EIF4B: variants seen among roughly 807,000 people sequenced by gnomAD.
EIF4B encodes eukaryotic translation initiation factor 4B.
EIF4B carries 8 observed loss-of-function variants against 79.3 expected under a neutral mutation model. The ratio of observed to expected loss-of-function variants is 0.10; its 90% confidence interval spans 0.06 to 0.18. The LOEUF (loss-of-function observed/expected upper bound fraction) is 0.18. Ranked by LOEUF, EIF4B falls within the 10% of genes least tolerant of loss-of-function variation. The pLI is 1.00. For synonymous variants in EIF4B, 238 were observed against 274.7 expected (o/e 0.87, Z 1.32); for missense variants, 515 against 792.4 (o/e 0.65, Z 4.20).
intron 7 of EIF4B, 26 bp from the exon 8 acceptor site, chr12:53,027,989 G>T: frequency 3.1e-6 from 5 of 1,607,536 alleles, no homozygotes; most frequent in Admixed American, 1.7e-5. Flanking sequence ...CCGCTGTGAT[G>T]ATTATAATTT....
At position 53,023,511 on chromosome 12, in the gene EIF4B, G is replaced by A. The variant is rs539469080; in HGVS notation, c.667+884G>A. ...CTCCCAAAGTGCTGGGATTACAGGCGTGAGCCACTGCGCCTGGCCCATCAG... is the reference window on the plus strand; with the variant it reads ...CTCCCAAAGTGCTGGGATTACAGGCATGAGCCACTGCGCCTGGCCCATCAG... On this transcript the variant is annotated intron_variant, in intron 6 of 14. Coordinates refer to ENST00000262056, the MANE Select transcript of EIF4B (RefSeq NM_001417.7). Among the ~76,000 whole-genome samples, 277 of 150,652 alleles carry A rather than the reference G, an allele frequency of 1.8e-3. 1 individual carries two copies. The highest frequency in any genetic ancestry group is 6.4e-3 in the African/African-American group (263 of 40,956).
chr12:53,016,347 A>G (rs1943148306), intron 1 of EIF4B, 126 bp from the exon 2 acceptor site: 1 of 1,288,280 alleles, frequency 7.8e-7, no homozygotes, highest in South Asian at 1.5e-5. Flanking sequence ...TGGAAATGCC[A>G]TAATTTAACC....
At chr12:53,019,811 A>T in intron 3 of EIF4B, 99 bp from the exon 4 acceptor site, 1 of 1,132,592 alleles carries the variant, frequency 8.8e-7, no homozygotes, top group Admixed American at 2.5e-5. Flanking sequence ...GTATTCAGAA[A>T]AATTCATGCA....
At chr12:53,025,040 T>G (rs1028735130) in intron 6 of EIF4B, among the ~76,000 whole-genome samples, 1 of 152,116 alleles carries the variant, frequency 6.6e-6, no homozygotes, top group Admixed American at 6.6e-5. Flanking sequence ...ATAATTCCTT[T>G]TAGAGGAGAG....
intron 13 of EIF4B, 126 bp downstream of exon 13, chr12:53,039,469 G>A: frequency 8.2e-7 from 1 of 1,219,306 alleles, no homozygotes; most frequent in South Asian, 1.5e-5. Context: ...AGCCAACGTA[G>A]ACAGTTAAGA....
intron 10 of EIF4B, 151 bp downstream of exon 10, chr12:53,034,860 C>A: frequency 1.3e-6 from 1 of 772,158 alleles, no homozygotes; most frequent in Non-Finnish European, 2.1e-6. Context: ...TCTTCTGCTC[C>A]AAAGAATCTG....
At position 53,019,447 on chromosome 12, in the gene EIF4B, T is replaced by C. The variant is rs201739207; in HGVS notation, c.360+441T>C. Among the ~76,000 whole-genome samples, 7 of 110,954 alleles carry C rather than the reference T, an allele frequency of 6.3e-5. No individual in the cohort carries two copies. The East Asian group carries it at 1.8e-3, about 29-fold the overall frequency. The allele number at this position is 110,954 out of a possible 152,430, so 72.8% of individuals were successfully genotyped here. On this transcript the variant is annotated intron_variant, in intron 3 of 14. Coordinates refer to ENST00000262056, the MANE Select transcript of EIF4B (RefSeq NM_001417.7). ...ATTATATATATATATATTTTTTTTT[T>C]TTCTTTTTTTTTTTTTTTTTTTTTT...
chr12:53,016,222 T>C (rs1253297487), intron 1 of EIF4B, among the ~76,000 whole-genome samples: 3 of 152,222 alleles, frequency 2.0e-5, no homozygotes, highest in South Asian at 4.1e-4. Flanking sequence ...AAACATACTC[T>C]CCAGGGTGTA....
intron 2 of EIF4B, among the ~76,000 whole-genome samples, chr12:53,017,396 A>G (rs1943165822): frequency 6.6e-6 from 1 of 152,188 alleles, no homozygotes; most frequent in African/African-American, 2.4e-5. Context: ...AGGAGTGAGA[A>G]CAGTAATTAT....
At chr12:53,019,437 A>ATATTTTTTTTTCTT (rs1943205076) in intron 3 of EIF4B, among the ~76,000 whole-genome samples, 2 of 51,006 alleles carry the variant, frequency 3.9e-5, no homozygotes, top group African/African-American at 6.6e-5. Flanking sequence ...ATATATATAT[A>ATATTTTTTTTTCTT]TTTTTTTTTT....
At chr12:53,033,270 C>T (rs1478913613) in intron 8 of EIF4B, among the ~76,000 whole-genome samples, 1 of 151,878 alleles carries the variant, frequency 6.6e-6, no homozygotes, top group Non-Finnish European at 1.5e-5. Flanking sequence ...CCACCCGCCT[C>T]GGCCTCCCAA....
chr12:53,009,393 G>T (rs1042555711), intron 1 of EIF4B, among the ~76,000 whole-genome samples: 2 of 152,188 alleles, frequency 1.3e-5, no homozygotes, highest in African/African-American at 4.8e-5. Context: ...GTTTTGGGCT[G>T]GGCGTGGTGG....
intron 10 of EIF4B, among the ~76,000 whole-genome samples, chr12:53,036,638 TC>T (rs758836753): frequency 2.6e-5 from 4 of 152,140 alleles, no homozygotes; most frequent in Non-Finnish European, 5.9e-5. Flanking sequence ...GGTCTCAAAC[TC>T]CTGGCCTCAA....
intron 3 of EIF4B, among the ~76,000 whole-genome samples, chr12:53,019,264 T>G (rs941892838): frequency 8.6e-5 from 13 of 151,826 alleles, no homozygotes; most frequent in South Asian, 2.1e-4. Context: ...CTGGGCGTGG[T>G]GGTACACGTC....
intron 13 of EIF4B, 58 bp from the exon 14 acceptor site, chr12:53,039,572 T>G: frequency 6.7e-7 from 1 of 1,501,094 alleles, no homozygotes; most frequent in Non-Finnish European, 9.1e-7. Flanking sequence ...TGCATACACA[T>G]GTTTGTATTA....
chr12:53,027,137 A>AATTTTTTTTTTTTTTTT (rs1491387300), intron 6 of EIF4B, among the ~76,000 whole-genome samples: 1 of 25,744 alleles, frequency 3.9e-5, no homozygotes, highest in Non-Finnish European at 9.8e-5. Context: ...AAAAAAAAAA[A>AATTTTTTTTTTTTTTTT]TTTTTTTTTT....
In EIF4B at chr12:53,040,182, G is replaced by A. The variant is rs1406127162; in HGVS notation, c.1795G>A (p.Asp599Asn). ...SASKYAALSV[D>N]GEDENEGEDY... The stretch of plus-strand genomic sequence containing the variant: ...AAGCAAGTATGCTGCTCTCTCTGTT[G>A]ATGGTGAAGATGAAAATGAGGGAGA... The change falls in exon 15 of 15, where the codon GAT becomes AAT. Residue 599 changes from aspartate to asparagine, a missense_variant. Physicochemically the swap from Asp to Asn is conservative, Grantham distance 23. Transcript: ENST00000262056. 1 of 1,614,162 alleles carries A rather than the reference G, an allele frequency of 6.2e-7. No homozygotes were observed. Among genetic ancestry groups the A allele is most frequent in the Non-Finnish European group, 8.5e-7 (1 of 1,180,008 alleles).
rs777177391 is a variant in EIF4B at position 53,039,641 on chromosome 12, A to G, written c.1694A>G (p.Lys565Arg). 1.2e-5 allele frequency: 20 copies of G among 1,613,748 alleles called. No homozygotes were observed. The highest frequency in any genetic ancestry group is 5.3e-5 in the African/African-American group (4 of 74,892). Residue 565 changes from lysine to arginine, a missense_variant, in exon 14 of 15, where the codon AAA (lysine) becomes AGA (arginine). Transcript: ENST00000262056. ...HWKESDRKDG[K>R]KDQDSRSAPE... ...TTACGTCTCTGCAGGAAAGATGGCA[A>G]AAAGGATCAAGACTCCAGATCTGCA...
Position 53,041,730 on chromosome 12 carries a change from TG to T in EIF4B, c.*1508del, listed in dbSNP as rs551260361. The T allele has an allele frequency of 3.9e-5, 6 of 152,010 alleles. No homozygotes were observed. Among genetic ancestry groups the T allele is most frequent in the African/African-American group, 1.4e-4 (6 of 41,438 alleles). The allele number at this position is 152,010 out of a possible 1,614,324, so 9.4% of individuals were successfully genotyped here. On this transcript the variant is annotated 3_prime_UTR_variant, in exon 15 of 15. Coordinates refer to ENST00000262056, the MANE Select transcript of EIF4B (RefSeq NM_001417.7). ...TAGGCCCTGTTCAGCCATGCAGGGG[TG>T]TTGGTTTATGCGTGCTGCAGCAGTG...
Sources: gnomAD v4.1 joint callset for allele counts (sites outside exome capture counted in the v4.1 genomes callset) on GRCh38, gnomAD v4.1.1 for gene constraint, MANE v1.5 for transcripts, NCBI Gene and HGNC (gene_info 2026-07-23, HGNC 2026-07-21) for gene names.